Variants in CARD14 observed in about 807,000 individuals in gnomAD.
The protein encoded by CARD14 is caspase recruitment domain family member 14.
In CARD14, 107 loss-of-function variants were observed where a neutral mutation model predicts 111.5. The ratio of observed to expected loss-of-function variants is 0.96; its 90% CI spans 0.82 to 1.13. The LOEUF (loss-of-function observed/expected upper bound fraction) is 1.13, where lower values mean the gene tolerates loss of function less well. Among genes scored for constraint, CARD14 ranks in the 50% most tolerant of loss-of-function variants. The pLI is 0.00. For missense variants in CARD14, 1,322 were observed against 1,362.3 expected, an observed-to-expected ratio of 0.97 and a Z score of 0.47; for synonymous variants, 617 against 579.6, an observed-to-expected ratio of 1.06 and a Z score of -0.93.
At position 80,203,615 on chromosome 17, in the gene CARD14, G is replaced by T. The variant is rs1042000838; in HGVS notation, c.2220-207G>T. On this transcript the variant is annotated intron_variant, in intron 18 of 23. Transcript: ENST00000648509. The surrounding 1 kb of genome is among the most constrained non-coding windows in gnomAD (Gnocchi z 4.6). ...ATCAGCATCTCCAGGGGTGGGCCGA[G>T]GCCCTGGAGTCTTTTGAAAGCTCTG... is the stretch of plus-strand genomic sequence containing the variant. 3.9e-6 allele frequency: 2 copies of T among 507,568 alleles called. No individual in the cohort carries two copies. Among genetic ancestry groups the T allele is most frequent in the Non-Finnish European group, 7.0e-6 (2 of 286,938 alleles). The allele number at this position is 507,568 out of a possible 1,614,324, so 31.4% of individuals were successfully genotyped here. A position where few individuals can be genotyped will look rare whatever the true frequency, so the allele number is the denominator to read the frequency against.
chr17:80,190,365 C>T (rs995268041), intron 9 of CARD14, among the ~76,000 whole-genome samples: 9 of 152,036 alleles, frequency 5.9e-5, no homozygotes, highest in African/African-American at 2.2e-4. Flanking sequence ...ATGTAGTCAG[C>T]ACTTTGGAAG....
intron 7 of CARD14, among the ~76,000 whole-genome samples, chr17:80,186,682 G>A (rs1365184685): frequency 6.6e-6 from 1 of 152,126 alleles, no homozygotes; most frequent in Non-Finnish European, 1.5e-5. Flanking sequence ...CCGAGCAGCT[G>A]GGATTATAGG....
intron 17 of CARD14, 122 bp from the exon 18 acceptor site, chr17:80,202,058 G>C: frequency 8.3e-7 from 1 of 1,207,776 alleles, no homozygotes; most frequent in Non-Finnish European, 1.2e-6. Flanking sequence ...ACTGACTCCA[G>C]TGCCAGAGCA....
Position 80,204,233 on chromosome 17 carries a change from T to C in CARD14, c.2290T>C (p.Ser764Pro), listed in dbSNP as rs752851391. ...TTCTCTGTCCCTCCTTTAGCCATCT[T>C]CTGGGGGACCACAGAAGCTGGTCCG... ...QQCTVTRKPS[S>P]GGPQKLVRIV... The change falls in exon 20 of 24, where the codon TCT becomes CCT. Residue 764 changes from serine to proline, a missense_variant. Transcript: ENST00000648509. 1 of 1,588,938 alleles carries C rather than the reference T, an allele frequency of 6.3e-7. No homozygotes were observed. The highest frequency in any genetic ancestry group is 1.3e-5 in the African/African-American group (1 of 74,396).
chr17:80,193,111 CAA>C lies in CARD14; in HGVS notation c.1356+494_1356+495del, dbSNP rs528988813. Among the ~76,000 whole-genome samples, 10 of 152,316 alleles carry C rather than the reference CAA, an allele frequency of 6.6e-5. No homozygotes were observed. The South Asian group carries it at 2.1e-3, about 32-fold the overall frequency. ...GTCACAGTCCTGGAGCCCAGACATC[CAA>C]AGTCAAAGTGCTGACAGGGTACCCG... On this transcript the variant is annotated intron_variant, in intron 12 of 23. Transcript: ENST00000648509.
chr17:80,189,804 C>G lies in CARD14; in HGVS notation c.895C>G (p.Gln299Glu). ...CCTGGACGAGGCGCGGGGGAGCCGA[C>G]AGGAGCTGGTGGAGCGCATCCACTC... The part of the protein sequence containing the change: ...QSLDEARGSR[Q>E]ELVERIHSLR... The change falls in exon 9 of 24, where the codon CAG becomes GAG. Residue 299 changes from glutamine to glutamate, a missense_variant. Gln to Glu is a conservative substitution (Grantham distance 29). Coordinates refer to ENST00000648509, the MANE Select transcript of CARD14 (RefSeq NM_001366385.1). This position sits in a 1 kb window ranked among gnomAD's most constrained non-coding sequence, Gnocchi z 4.7. 1 of 1,584,472 alleles carries G rather than the reference C, an allele frequency of 6.3e-7. No individual in the cohort carries two copies. The highest frequency in any genetic ancestry group is 8.5e-7 in the Non-Finnish European group (1 of 1,170,134).
Position 80,181,488 on chromosome 17 carries a change from A to T in CARD14, c.50A>T (p.Glu17Val). 2 of 1,589,900 alleles carry T rather than the reference A, an allele frequency of 1.3e-6. No individual in the cohort carries two copies. Among genetic ancestry groups the T allele is most frequent in the Non-Finnish European group, 1.7e-6 (2 of 1,167,540 alleles). The part of the protein sequence containing the change: ...RDSALTALDE[E>V]TLWEMMESHR... ...TCCGCACTCACGGCACTGGACGAGG[A>T]GACACTGTGGGAGATGATGGAGAGC... The change falls in exon 5 of 24, where the codon GAG becomes GTG. Residue 17 changes from glutamate to valine, a missense_variant. Physicochemically the swap from Glu to Val is moderately radical, Grantham distance 121. Transcript: ENST00000648509.
intron 23 of CARD14, 45 bp from the exon 24 acceptor site, chr17:80,208,093 C>T: frequency 7.0e-7 from 1 of 1,422,176 alleles, no homozygotes; most frequent in Admixed American, 2.4e-5. Context: ...CTCCTGGGCC[C>T]TTGCTCTCCC....
At chr17:80,205,285 T>A in intron 21 of CARD14, 80 bp downstream of exon 21, 1 of 993,216 alleles carries the variant, frequency 1.0e-6, no homozygotes, top group Non-Finnish European at 1.4e-6. Context: ...CTTCCTCCCC[T>A]TCCTCCCTCC....
At position 80,184,226 on chromosome 17, in the gene CARD14, C is replaced by G; in HGVS notation, c.663C>G (p.Ser221Arg). 1 of 1,532,880 alleles carries G rather than the reference C, an allele frequency of 6.5e-7. No individual in the cohort carries two copies. The highest frequency in any genetic ancestry group is 1.2e-5 in the South Asian group (1 of 80,792). 95.0% of individuals were successfully genotyped at this position (1,532,880 alleles called of 1,614,324 possible). The change falls in exon 7 of 24, where the codon AGC (serine) becomes AGG (arginine). Residue 221 changes from serine to arginine, a missense_variant. By Grantham distance (110) the Ser-to-Arg change is moderately radical. Transcript: ENST00000648509. ...AGCTGGCCGCCTCACGCTGCCGCAG[C>G]CTGCAGGAGGAGGTAGGGGGACACC... ...EKELAASRCR[S>R]LQEELYLLKQ...
chr17:80,208,303 C>A lies in CARD14; in HGVS notation c.2973C>A (p.Asp991Glu), dbSNP rs554956821. 1 of 1,605,490 alleles carries A rather than the reference C, an allele frequency of 6.2e-7. No individual in the cohort carries two copies. Among genetic ancestry groups the A allele is most frequent in the Non-Finnish European group, 8.5e-7 (1 of 1,177,150 alleles). Residue 991 changes from aspartate to glutamate, a missense_variant, in exon 24 of 24, where the codon GAC (aspartate) becomes GAA (glutamate). Transcript: ENST00000648509. ...GCTGTGTCCGCCAGGCCATCGCCGA[C>A]GAGCAGAAGAAGGTGGTGTGGACGG... The part of the protein sequence containing the change: ...LLSCVRQAIA[D>E]EQKKVVWTEQ...
intron 2 of CARD14, among the ~76,000 whole-genome samples, chr17:80,177,447 G>A (rs1311210683): frequency 4.6e-5 from 7 of 152,130 alleles, no homozygotes; most frequent in Non-Finnish European, 1.0e-4. Flanking sequence ...TGTAATCCCA[G>A]CACTTTGGGA....
chr17:80,186,206 T>C (rs950809724), intron 7 of CARD14, among the ~76,000 whole-genome samples: 4 of 151,954 alleles, frequency 2.6e-5, no homozygotes, highest in African/African-American at 9.7e-5. Context: ...CCTTCCCTTC[T>C]CCCTTGGCTG....
intron 2 of CARD14, among the ~76,000 whole-genome samples, chr17:80,175,174 C>T (rs1034577108): frequency 8.6e-5 from 13 of 151,514 alleles, no homozygotes; most frequent in Admixed American, 3.3e-4. Flanking sequence ...GACAGGGTTT[C>T]GCCATGTCAC....
chr17:80,202,416 T>G lies in CARD14; in HGVS notation c.2215T>G (p.Ser739Ala), dbSNP rs1212920496. Residue 739 changes from serine (S) to alanine (A), a missense_variant, in exon 18 of 24, where the codon TCC becomes GCC. Transcript: ENST00000648509. The stretch of plus-strand genomic sequence containing the variant: ...CGCGCACGGCACCATCCCCAACTAC[T>G]CCAGGTGAGCAGCTGCCTCGAGCTC... ...TAAHGTIPNY[S>A]RAQQQLIALI... The G allele has an allele frequency of 6.2e-7, 1 of 1,608,988 alleles. No homozygotes were observed. The highest frequency in any genetic ancestry group is 8.5e-7 in the Non-Finnish European group (1 of 1,177,210).
intron 12 of CARD14, among the ~76,000 whole-genome samples, chr17:80,194,911 G>A (rs1039660794): frequency 6.6e-6 from 1 of 152,192 alleles, no homozygotes; most frequent in African/African-American, 2.4e-5. Flanking sequence ...AAATGGGACA[G>A]CAGTGCCACC....
intron 12 of CARD14, among the ~76,000 whole-genome samples, chr17:80,194,303 G>T (rs754764115): frequency 3.9e-5 from 6 of 152,140 alleles, no homozygotes; most frequent in Non-Finnish European, 7.4e-5. Flanking sequence ...CCCACCCCAA[G>T]GACAGTCCCT....
intron 18 of CARD14, 27 bp downstream of exon 18, chr17:80,202,447 GT>G: frequency 1.2e-6 from 2 of 1,601,744 alleles, no homozygotes; most frequent in South Asian, 2.2e-5. Context: ...AGCTCGGTGC[GT>G]CCCCAGAGAG....
intron 11 of CARD14, among the ~76,000 whole-genome samples, chr17:80,191,839 A>T (rs2040541057): frequency 6.6e-6 from 1 of 151,878 alleles, no homozygotes; most frequent in South Asian, 2.1e-4. Flanking sequence ...TGTGTTCCTG[A>T]AATGCTTAAA....
Sources: gnomAD v4.1 joint callset for allele counts (sites outside exome capture counted in the v4.1 genomes callset) on GRCh38, gnomAD v4.1.1 for gene constraint, Gnocchi (gnomAD v3.1) non-coding constraint, MANE v1.5 for transcripts, NCBI Gene and HGNC (gene_info 2026-07-23, HGNC 2026-07-21) for gene names.